C4orf50: variants seen among roughly 807,000 people sequenced by gnomAD.
C4orf50 encodes chromosome 4 open reading frame 50, also known as uncharacterized protein C4orf50.
A neutral mutation model predicts 77.2 loss-of-function variants in C4orf50; 80 were observed. That is an observed-to-expected ratio of 1.04 (90% CI 0.87 to 1.25). The LOEUF (loss-of-function observed/expected upper bound fraction) is 1.25, where lower values mean the gene tolerates loss of function less well. Among genes scored for constraint, C4orf50 ranks in the 50% most tolerant of loss-of-function variants. C4orf50 has a pLI of 0.00. For synonymous variants in C4orf50, 532 were observed against 465.3 expected, an observed-to-expected ratio of 1.14 and a Z score of -1.84; for missense variants, 1,257 against 1,152.9, an observed-to-expected ratio of 1.09 and a Z score of -1.31.
chr4:5,921,765 T>C (rs1717285263), intron 7 of C4orf50, among the ~76,000 whole-genome samples: 1 of 152,050 alleles, frequency 6.6e-6, no homozygotes, highest in Non-Finnish European at 1.5e-5. Context: ...ATATAAGAAG[T>C]ATTTTTGCAC....
rs138659360 is a variant in C4orf50 at position 5,974,237 on chromosome 4, G to A, written c.3922-396C>T. Among the ~76,000 whole-genome samples, 619 of 152,304 alleles carry A rather than the reference G, an allele frequency of 4.1e-3. 4 individuals carry two copies. The highest frequency in any genetic ancestry group is 0.014 in the African/African-American group (596 of 41,558). On this transcript the variant is annotated intron_variant, in intron 30 of 33. Coordinates refer to ENST00000531445, the Ensembl canonical transcript of C4orf50. ...CGGCGCAGGCAGGCACCTACCGAGT[G>A]TCATGTTTCTATCCTTATCTCACAT...
chr4:5,997,061 G>C (rs553831841), intron 25 of C4orf50, among the ~76,000 whole-genome samples: 4 of 152,330 alleles, frequency 2.6e-5, no homozygotes, highest in African/African-American at 9.6e-5. Context: ...GAGGGAATAG[G>C]ATAGGGAAAG....
exon 31 of C4orf50, chr4:5,973,772 G>C (rs974338455): frequency 3.7e-6 from 6 of 1,613,674 alleles, no homozygotes; most frequent in East Asian, 4.5e-5. Context: ...TGTCTGTGCA[G>C]CTCCTGCAGC....
intron 7 of C4orf50, chr4:5,898,227 G>A (rs1013353630): frequency 1.3e-5 from 2 of 152,204 alleles, no homozygotes; most frequent in Admixed American, 1.3e-4. Context: ...TGACACTCAT[G>A]CCTCTTCCCT....
chr4:5,993,246 G>C (rs1365033086), intron 26 of C4orf50, among the ~76,000 whole-genome samples: 3 of 152,196 alleles, frequency 2.0e-5, no homozygotes, highest in African/African-American at 7.2e-5. Flanking sequence ...CTGTCAAACA[G>C]GGTATGAGCC....
At chr4:5,993,036 C>G (rs1232931912) in intron 26 of C4orf50, 106 bp from the exon 5 acceptor site, 6 of 396,812 alleles carry the variant, frequency 1.5e-5, no homozygotes, top group Non-Finnish European at 2.7e-5. Context: ...TGGCACCCCC[C>G]CCACCCCCGA....
chr4:5,928,380 A>G (rs1436938715), intron 7 of C4orf50, among the ~76,000 whole-genome samples: 1 of 125,708 alleles, frequency 8.0e-6, no homozygotes, highest in Non-Finnish European at 1.6e-5. Flanking sequence ...ACACACACAT[A>G]CACACACACA....
intron 27 of C4orf50, among the ~76,000 whole-genome samples, chr4:5,991,830 G>C (rs1450857455): frequency 6.6e-6 from 1 of 152,180 alleles, no homozygotes; most frequent in East Asian, 1.9e-4. Context: ...TGAAGGCCAG[G>C]AGTGCTGCCC....
At chr4:5,897,991 AG>A (rs1716196232) in exon 8 of C4orf50, 1 of 152,216 alleles carries the variant, frequency 6.6e-6, no homozygotes, top group Non-Finnish European at 1.5e-5. Flanking sequence ...CTCAGCCTTG[AG>A]TTTATGAATG....
intron 7 of C4orf50, among the ~76,000 whole-genome samples, chr4:5,934,261 G>T (rs73210726): frequency 0.1 from 15,367 of 152,086 alleles, 876 homozygotes; most frequent in African/African-American, 0.15. Context: ...GAAACTCCAC[G>T]ACCACCCACA....
At chr4:5,974,428 G>A (rs1720132699) in intron 30 of C4orf50, among the ~76,000 whole-genome samples, 1 of 141,700 alleles carries the variant, frequency 7.1e-6, no homozygotes, top group Non-Finnish European at 1.5e-5. Context: ...CAGGAATTAT[G>A]ACGATTTTTA....
chr4:5,945,039 G>A (rs1237225001), intron 7 of C4orf50, among the ~76,000 whole-genome samples: 2 of 152,106 alleles, frequency 1.3e-5, no homozygotes, highest in Non-Finnish European at 2.9e-5. Context: ...AAGGCTCCAC[G>A]CCTGTCCCCA....
chr4:5,904,633 G>A (rs1716471726), intron 7 of C4orf50: 1 of 152,214 alleles, frequency 6.6e-6, no homozygotes, highest in Non-Finnish European at 1.5e-5. Context: ...TTTCCGGACA[G>A]AGTCCTTTCT....
At position 5,905,939 on chromosome 4, in the gene C4orf50, G is replaced by A. The variant is rs755711550; in HGVS notation, c.*2475-7751C>T. ...GCAGGGGGGCGGGGGGCAGAGGGAC[G>A]GATGCCCTGCTTGCCCTCCTCACGT... On this transcript the variant is annotated intron_variant, in intron 7 of 7. Transcript: ENST00000324058. This position sits in a 1 kb window ranked among gnomAD's most constrained non-coding sequence, Gnocchi z 5.4. 2.6e-5 allele frequency among the ~76,000 whole-genome samples: 4 copies of A among 152,134 alleles called. No homozygotes were observed. The highest frequency in any genetic ancestry group is 9.7e-5 in the African/African-American group (4 of 41,426).
At chr4:5,918,193 C>T (rs572346681) in intron 7 of C4orf50, among the ~76,000 whole-genome samples, 89 of 152,282 alleles carry the variant, frequency 5.8e-4, no homozygotes, top group African/African-American at 2.0e-3. Flanking sequence ...CCTCCCACCG[C>T]AGCAGGGATG....
At chr4:5,939,280 T>C (rs1264201570) in intron 7 of C4orf50, among the ~76,000 whole-genome samples, 1 of 152,058 alleles carries the variant, frequency 6.6e-6, no homozygotes, top group East Asian at 1.9e-4. Context: ...AAATGGAATA[T>C]ACCAGTCACC....
chr4:5,911,874 C>T lies in C4orf50; in HGVS notation c.*2475-13686G>A, dbSNP rs1188184520. Among the ~76,000 whole-genome samples, 22 of 152,188 alleles carry T rather than the reference C, an allele frequency of 1.4e-4. 1 individual carries two copies. Among genetic ancestry groups the T allele is most frequent in the Admixed American group, 7.9e-4 (12 of 15,284 alleles). On this transcript the variant is annotated intron_variant, in intron 7 of 7. Transcript: ENST00000324058. ...CATCCTGGCCAACATGGTGAAACCCCGTCTCTACTAAAAATACAAAAATTA... is the reference window on the plus strand; with the variant it reads ...CATCCTGGCCAACATGGTGAAACCCTGTCTCTACTAAAAATACAAAAATTA...
At chr4:5,902,783 C>T (rs1214002154) in intron 7 of C4orf50, 1 of 152,192 alleles carries the variant, frequency 6.6e-6, no homozygotes, top group African/African-American at 2.4e-5. Flanking sequence ...CACAATACTT[C>T]ACGAGGCTGC....
In C4orf50 at chr4:6,001,074, G is replaced by A. The variant is rs1400433726; in HGVS notation, c.964-6598C>T. 2.6e-5 allele frequency among the ~76,000 whole-genome samples: 4 copies of A among 152,184 alleles called. No individual in the cohort carries two copies. The South Asian group carries it at 8.3e-4, about 32-fold the overall frequency. On this transcript the variant is annotated intron_variant, in intron 25 of 33. Transcript: ENST00000531445. ...AGCCAAAGCAAGCCTCTTGCTAGTC[G>A]AAATTCTCCTAACCTGGTTTTTCAA...
Sources: allele counts gnomAD v4.1 joint callset (sites outside exome capture counted in the v4.1 genomes callset), GRCh38; gene constraint gnomAD v4.1.1; non-coding constraint Gnocchi (gnomAD v3.1); transcripts MANE v1.5; gene names NCBI Gene and HGNC (gene_info 2026-07-23, HGNC 2026-07-21).